PRR33: variants seen among roughly 807,000 people sequenced by gnomAD.
PRR33 encodes proline-rich protein 33.
PRR33 carries 1 observed loss-of-function variant against 0.5 expected under a neutral mutation model. The ratio of observed to expected loss-of-function variants is 2.18; its 90% CI spans 0.77 to 10.34. The LOEUF (loss-of-function observed/expected upper bound fraction) is 10.34. PRR33 is among the 30% of genes most tolerant of loss of function. PRR33 has a pLI of 0.13. For synonymous variants in PRR33, 226 were observed against 110.0 expected, an observed-to-expected ratio of 2.06 and a Z score of -6.60; for missense variants, 552 against 251.8, an observed-to-expected ratio of 2.19 and a Z score of -8.07.
chr11:1,893,584 A>G (rs1589839677), upstream of PRR33, among the ~76,000 whole-genome samples: 3 of 122,368 alleles, frequency 2.5e-5, no homozygotes, highest in South Asian at 3.2e-4. Context: ...GAGAGGGGGG[A>G]TGGAGGGAGG....
the PRR33 span, among the ~76,000 whole-genome samples, chr11:1,912,092 G>T: frequency 6.7e-6 from 1 of 150,240 alleles, no homozygotes; most frequent in Non-Finnish European, 1.5e-5. Flanking sequence ...GAGATCGCTT[G>T]AGCCCAGGAG....
chr11:1,894,634 T>A (rs1849104322), upstream of PRR33, among the ~76,000 whole-genome samples: 1 of 152,184 alleles, frequency 6.6e-6, no homozygotes, highest in Non-Finnish European at 1.5e-5. Flanking sequence ...CTGAGATCCA[T>A]GCTTGCTGCT....
chr11:1,908,772 G>T, the PRR33 span, among the ~76,000 whole-genome samples: 90 of 152,038 alleles, frequency 5.9e-4, no homozygotes, highest in Non-Finnish European at 1.1e-3. Context: ...TCTCATTTCC[G>T]CCTCACATCA....
chr11:1,910,609 G>A, the PRR33 span, among the ~76,000 whole-genome samples: 9 of 152,128 alleles, frequency 5.9e-5, no homozygotes, highest in African/African-American at 1.4e-4. Flanking sequence ...GTGGTTCTTC[G>A]AAACTGAACA....
the PRR33 span, among the ~76,000 whole-genome samples, chr11:1,900,411 C>G: frequency 5.3e-4 from 80 of 152,250 alleles, no homozygotes; most frequent in African/African-American, 1.9e-3. Flanking sequence ...ATTTTATAAA[C>G]CAGTCAATCT....
chr11:1,891,042 G>A (rs1848979322), exon 1 of PRR33: 1 of 161,610 alleles, frequency 6.2e-6, no homozygotes, highest in African/African-American at 2.4e-5. Flanking sequence ...AGACACGTGA[G>A]GGGCGCCCTG....
chr11:1,907,510 C>T, the PRR33 span, among the ~76,000 whole-genome samples: 1 of 152,194 alleles, frequency 6.6e-6, no homozygotes, highest in Non-Finnish European at 1.5e-5. Flanking sequence ...CTCCAGGGTT[C>T]AAGTGATTCT....
At chr11:1,912,408 A>G in the PRR33 span, among the ~76,000 whole-genome samples, 5 of 151,978 alleles carry the variant, frequency 3.3e-5, no homozygotes, top group Non-Finnish European at 7.4e-5. Flanking sequence ...TTCTCCTGGG[A>G]ATGGGCTGTT....
chr11:1,899,035 G>A, the PRR33 span, among the ~76,000 whole-genome samples: 3 of 151,900 alleles, frequency 2.0e-5, no homozygotes, highest in African/African-American at 7.3e-5. Context: ...TTGGCCCTTC[G>A]TCTTCCAACT....
the PRR33 span, among the ~76,000 whole-genome samples, chr11:1,908,722 G>A: frequency 1.3e-5 from 2 of 152,182 alleles, no homozygotes; most frequent in Non-Finnish European, 2.9e-5. Flanking sequence ...GGGCTCCTAG[G>A]AATGTGCTGT....
exon 1 of PRR33, chr11:1,889,074 C>T (rs1202386310): frequency 3.4e-6 from 2 of 580,656 alleles, no homozygotes; most frequent in Non-Finnish European, 6.2e-6. Flanking sequence ...ACTATGGGCC[C>T]CCAGCTAGAG....
the PRR33 span, among the ~76,000 whole-genome samples, chr11:1,907,096 C>A: frequency 6.6e-6 from 1 of 152,286 alleles, no homozygotes; most frequent in South Asian, 2.1e-4. Context: ...ATCTTGAGAG[C>A]CATTGTGTTG....
exon 1 of PRR33, chr11:1,888,817 C>T (rs1848862308): frequency 7.3e-6 from 2 of 272,898 alleles, no homozygotes; most frequent in Middle Eastern, 1.0e-3. Context: ...TGGGCTAGGT[C>T]AGTAGATGCA....
the PRR33 span, among the ~76,000 whole-genome samples, chr11:1,914,997 ATGATATTTCTC>A: frequency 7.1e-6 from 1 of 140,214 alleles, no homozygotes; most frequent in Non-Finnish European, 1.5e-5. Flanking sequence ...AAACCTGGGG[ATGATATTTCTC>A]TGTGTGTGTG....
the PRR33 span, among the ~76,000 whole-genome samples, chr11:1,900,545 A>G: frequency 6.6e-6 from 1 of 152,218 alleles, no homozygotes; most frequent in Non-Finnish European, 1.5e-5. Context: ...TGGAGGACTC[A>G]ATATTGTAGG....
At chr11:1,914,179 G>A in the PRR33 span, among the ~76,000 whole-genome samples, 3 of 152,224 alleles carry the variant, frequency 2.0e-5, no homozygotes, top group Non-Finnish European at 4.4e-5. Context: ...GCAGGCCCAC[G>A]GTGCACATTG....
the PRR33 span, among the ~76,000 whole-genome samples, chr11:1,904,230 G>A: frequency 5.9e-5 from 9 of 152,262 alleles, no homozygotes; most frequent in African/African-American, 1.4e-4. Flanking sequence ...GATGCCATCC[G>A]TTTAAAGAGA....
At chr11:1,905,944 G>C in the PRR33 span, among the ~76,000 whole-genome samples, 1 of 151,098 alleles carries the variant, frequency 6.6e-6, no homozygotes, top group Non-Finnish European at 1.5e-5. Flanking sequence ...TCAGCCTCCC[G>C]AGTAGCTGTG....
At chr11:1,911,490 T>C in the PRR33 span, among the ~76,000 whole-genome samples, 1 of 151,576 alleles carries the variant, frequency 6.6e-6, no homozygotes, top group Non-Finnish European at 1.5e-5. Flanking sequence ...CGATCTCAGC[T>C]CACTGTAGCC....
Sources: gnomAD v4.1 joint callset for allele counts (sites outside exome capture counted in the v4.1 genomes callset) on GRCh38, gnomAD v4.1.1 for gene constraint, MANE v1.5 for transcripts, NCBI Gene and HGNC (gene_info 2026-07-23, HGNC 2026-07-21) for gene names.